The following CADPS2 variants were observed in gnomAD, a reference collection of about 807,000 sequenced individuals.
CADPS2 encodes calcium-dependent secretion activator 2.
Under a neutral mutation model 172.5 loss-of-function variants are expected in CADPS2, and 93 were observed. The observed-to-expected ratio is 0.54, with a 90% CI of 0.46 to 0.64. CADPS2 has a LOEUF of 0.64. CADPS2 is among the 30% of genes least tolerant of loss of function. The pLI is 0.00. For missense variants in CADPS2, 1,420 were observed against 1,565.9 expected (o/e 0.91, Z 1.57); for synonymous variants, 546 against 555.2 (o/e 0.98, Z 0.23).
intron 15 of CADPS2, among the ~76,000 whole-genome samples, chr7:122,449,050 G>A (rs1036900415): frequency 6.6e-6 from 1 of 152,174 alleles, no homozygotes; most frequent in Non-Finnish European, 1.5e-5. Flanking sequence ...AATAAAGCTT[G>A]TCTTAAAGCT....
chr7:122,504,925 G>A (rs1040212770), intron 9 of CADPS2, among the ~76,000 whole-genome samples: 3 of 152,170 alleles, frequency 2.0e-5, no homozygotes, highest in African/African-American at 7.2e-5. Context: ...AAGATGTTTG[G>A]TGGAAGAATA....
chr7:122,493,913 C>G lies in CADPS2; in HGVS notation c.1543-2493G>C, dbSNP rs141148840. On this transcript the variant is annotated intron_variant, in intron 9 of 29. Transcript: ENST00000449022. ...AATATATCATTTCATCATTTGTACC[C>G]TTCTCTATAATCAATTTTGTCAGAG... Among the ~76,000 whole-genome samples, 270 of 152,166 alleles carry G rather than the reference C, an allele frequency of 1.8e-3. 8 individuals are homozygous for G. In the East Asian group the frequency reaches 0.048, roughly 27 times the overall value.
chr7:122,371,038 T>A (rs1489440049), intron 25 of CADPS2, among the ~76,000 whole-genome samples: 1 of 152,108 alleles, frequency 6.6e-6, no homozygotes, highest in Admixed American at 6.5e-5. Flanking sequence ...AAACACTACA[T>A]CCTGAACTAC....
At chr7:122,555,897 A>T (rs1235727164) in intron 7 of CADPS2, among the ~76,000 whole-genome samples, 1 of 152,062 alleles carries the variant, frequency 6.6e-6, no homozygotes, top group Non-Finnish European at 1.5e-5. Context: ...TATAAGCAGA[A>T]ATCTTCACTG....
intron 13 of CADPS2, among the ~76,000 whole-genome samples, chr7:122,473,062 T>C (rs938791107): frequency 3.9e-5 from 6 of 152,144 alleles, no homozygotes; most frequent in African/African-American, 9.7e-5. Context: ...AAATCAAGTT[T>C]AGCCTAAAGC....
chr7:122,885,092 C>T (rs1031705052), intron 1 of CADPS2, among the ~76,000 whole-genome samples: 5 of 152,154 alleles, frequency 3.3e-5, no homozygotes, highest in African/African-American at 1.2e-4. Flanking sequence ...CCAGGTTCAG[C>T]ATTCTATTAA....
intron 2 of CADPS2, among the ~76,000 whole-genome samples, chr7:122,723,457 G>A (rs78774747): frequency 0.036 from 5,453 of 152,224 alleles, 186 homozygotes; most frequent in Non-Finnish European, 0.049. Flanking sequence ...TCAGAGAAAT[G>A]CAAATCAAAA....
chr7:122,718,351 A>G (rs1490601835), intron 2 of CADPS2, among the ~76,000 whole-genome samples: 1 of 151,936 alleles, frequency 6.6e-6, no homozygotes, highest in Non-Finnish European at 1.5e-5. Flanking sequence ...GGAGGGGCAA[A>G]AGGAAAGCAG....
chr7:122,632,265 T>C (rs2076647525), intron 3 of CADPS2, among the ~76,000 whole-genome samples: 1 of 152,210 alleles, frequency 6.6e-6, no homozygotes, highest in South Asian at 2.1e-4. Flanking sequence ...TTTTAACTTC[T>C]TTGAGAAATC....
intron 12 of CADPS2, among the ~76,000 whole-genome samples, chr7:122,475,705 T>G (rs2056554980): frequency 6.6e-6 from 1 of 152,196 alleles, no homozygotes; most frequent in African/African-American, 2.4e-5. Flanking sequence ...AACTACATAA[T>G]TCAAGCTGAA....
At chr7:122,847,597 AT>A (rs35101326) in intron 1 of CADPS2, among the ~76,000 whole-genome samples, 3,382 of 149,948 alleles carry the variant, frequency 0.023, 52 homozygotes, top group Non-Finnish European at 0.029. Context: ...AGCTACTTAG[AT>A]TTTTTTTTTT....
chr7:122,528,019 C>T (rs189338141), intron 8 of CADPS2, among the ~76,000 whole-genome samples: 109 of 151,050 alleles, frequency 7.2e-4, no homozygotes, highest in African/African-American at 2.6e-3. Context: ...AGCTCCCTTG[C>T]TATAATAGAT....
chr7:122,408,607 A>C (rs1282241011), intron 19 of CADPS2, among the ~76,000 whole-genome samples: 1 of 152,064 alleles, frequency 6.6e-6, no homozygotes, highest in African/African-American at 2.4e-5. Context: ...TTGTATTTTT[A>C]GGAGAAACGG....
intron 24 of CADPS2, among the ~76,000 whole-genome samples, chr7:122,380,990 G>C (rs1041422231): frequency 6.6e-6 from 1 of 152,102 alleles, no homozygotes; most frequent in Admixed American, 6.6e-5. Flanking sequence ...GAAAAAGCTG[G>C]CTGGCAGTTA....
At chr7:122,509,146 A>G (rs1259434826) in intron 9 of CADPS2, among the ~76,000 whole-genome samples, 3 of 152,132 alleles carry the variant, frequency 2.0e-5, no homozygotes, top group Non-Finnish European at 2.9e-5. Context: ...TTTCATTCTC[A>G]AGTGAGTGAG....
chr7:122,882,515 G>T (rs1823184959), intron 1 of CADPS2, among the ~76,000 whole-genome samples: 1 of 151,880 alleles, frequency 6.6e-6, no homozygotes, highest in South Asian at 2.1e-4. Flanking sequence ...ATTTAGACCT[G>T]AAGTCTGTGA....
At position 122,829,113 on chromosome 7, in the gene CADPS2, A is replaced by G. The variant is rs550978171; in HGVS notation, c.339+56886T>C. On this transcript the variant is annotated intron_variant, in intron 1 of 29. Transcript: ENST00000449022. ...CAGATACCAAAAATATGATGATGTTATTCTGTTTTTCCTTAAGAAGGAACA... is the reference window on the plus strand; with the variant it reads ...CAGATACCAAAAATATGATGATGTTGTTCTGTTTTTCCTTAAGAAGGAACA... Among the ~76,000 whole-genome samples the G allele has an allele frequency of 9.2e-5, 14 of 152,318 alleles. No individual in the cohort carries two copies. In the South Asian group the frequency reaches 2.7e-3, roughly 29 times the overall value.
chr7:122,542,750 A>C (rs1368365392), intron 8 of CADPS2, among the ~76,000 whole-genome samples: 1 of 151,962 alleles, frequency 6.6e-6, no homozygotes, highest in Non-Finnish European at 1.5e-5. Flanking sequence ...CATAGTCTAC[A>C]TCAGTCTAGA....
intron 2 of CADPS2, among the ~76,000 whole-genome samples, chr7:122,699,579 CATTT>C (rs1229066606): frequency 6.6e-6 from 1 of 152,120 alleles, no homozygotes; most frequent in Non-Finnish European, 1.5e-5. Context: ...CATTATATTG[CATTT>C]ATTTAATTTA....
Sources: gnomAD v4.1 joint callset for allele counts (sites outside exome capture counted in the v4.1 genomes callset) on GRCh38, gnomAD v4.1.1 for gene constraint, MANE v1.5 for transcripts, NCBI Gene and HGNC (gene_info 2026-07-23, HGNC 2026-07-21) for gene names.